DCAF12: variants seen among roughly 807,000 people sequenced by gnomAD.
The protein encoded by DCAF12 is DDB1- and CUL4-associated factor 12.
Under a neutral mutation model 52.8 loss-of-function variants are expected in DCAF12, and 28 were observed. That is an observed-to-expected ratio of 0.53 (90% confidence interval 0.39 to 0.73). The LOEUF (loss-of-function observed/expected upper bound fraction) is 0.73, where lower values mean the gene tolerates loss of function less well. DCAF12 is among the 30% of genes least tolerant of loss of function. The probability of loss-of-function intolerance (pLI) is 0.00; values close to 1 mark genes in which losing one functional copy is unlikely to be tolerated. For missense variants in DCAF12, 425 were observed against 552.2 expected (o/e 0.77, Z 2.31); for synonymous variants, 196 against 215.5 (o/e 0.91, Z 0.79).
chr9:34,103,095 C>CAAAA (rs34456166), intron 4 of DCAF12, among the ~76,000 whole-genome samples: 1 of 100,200 alleles, frequency 1.0e-5, no homozygotes, highest in African/African-American at 4.3e-5. Flanking sequence ...ACCTTAACTC[C>CAAAA]AAAAAAAAAA....
intron 2 of DCAF12, among the ~76,000 whole-genome samples, chr9:34,124,074 A>C (rs1035820390): frequency 6.6e-6 from 1 of 152,174 alleles, no homozygotes; most frequent in South Asian, 2.1e-4. Context: ...AAACTGTTTA[A>C]ATTTTTGCCT....
intron 2 of DCAF12, among the ~76,000 whole-genome samples, chr9:34,109,007 T>G (rs1426943207): frequency 6.6e-4 from 20 of 30,146 alleles, no homozygotes; most frequent in African/African-American, 1.8e-3. Context: ...TATATATGGT[T>G]TTTTTTTTTT....
At chr9:34,090,305 C>A (rs1182221165) in intron 7 of DCAF12, among the ~76,000 whole-genome samples, 1 of 151,988 alleles carries the variant, frequency 6.6e-6, no homozygotes, top group Non-Finnish European at 1.5e-5. Flanking sequence ...CTCAAGTGAT[C>A]CACCTTGGCC....
chr9:34,091,171 A>G (rs1828637933), intron 7 of DCAF12, among the ~76,000 whole-genome samples: 1 of 151,950 alleles, frequency 6.6e-6, no homozygotes. Context: ...TACTAAAAAC[A>G]CAAAAATTAG....
At chr9:34,098,297 G>C in intron 5 of DCAF12, 27 bp downstream of exon 5, 1 of 1,605,424 alleles carries the variant, frequency 6.2e-7, no homozygotes, top group Non-Finnish European at 8.5e-7. Context: ...AGGAATACAC[G>C]TCAGGGATCC....
intron 2 of DCAF12, among the ~76,000 whole-genome samples, chr9:34,124,813 C>G (rs775412873): frequency 6.6e-6 from 1 of 152,144 alleles, no homozygotes; most frequent in Non-Finnish European, 1.5e-5. Flanking sequence ...TGAAGAAATA[C>G]ACTCCTTTGA....
intron 1 of DCAF12, 95 bp from the exon 2 acceptor site, chr9:34,125,372 G>A: frequency 1.4e-6 from 2 of 1,391,428 alleles, no homozygotes; most frequent in Non-Finnish European, 2.0e-6. Flanking sequence ...AACTCATACT[G>A]CAGAATTTAC....
In DCAF12 at chr9:34,125,179, A is replaced by T. The variant is rs773908031; in HGVS notation, c.177T>A (p.Asn59Lys). The change falls in exon 2 of 9, where the codon AAT becomes AAA. Residue 59 changes from asparagine to lysine, a missense_variant. This residue lies in a region of DCAF12 where 89 missense variants were observed against 84.9 expected (regional missense o/e 1.05). Coordinates refer to ENST00000361264, the MANE Select transcript of DCAF12 (RefSeq NM_015397.4). Reference sequence around the variant, plus strand: ...GCAACACTCGAGAGTAGCTGGTTTCATTCTGTAGCCTGACTTCCCGGTTCT... The same window carrying T: ...GCAACACTCGAGAGTAGCTGGTTTCTTTCTGTAGCCTGACTTCCCGGTTCT... ...YLKNREVRLQ[N>K]ETSYSRVLHG... is the part of the protein sequence containing the mutation. 4.3e-6 allele frequency: 7 copies of T among 1,614,174 alleles called. No individual in the cohort carries two copies. Among genetic ancestry groups the T allele is most frequent in the Non-Finnish European group, 5.1e-6 (6 of 1,180,030 alleles).
At chr9:34,125,601 A>T (rs767564019) in intron 1 of DCAF12, 1 of 486,098 alleles carries the variant, frequency 2.1e-6, no homozygotes, top group African/African-American at 2.0e-5. Flanking sequence ...AGTGATTCCC[A>T]TACCGACATG....
rs1178246586 is a variant in DCAF12, at chr9:34,087,876, G to C, written c.*474C>G. On this transcript the variant is annotated 3_prime_UTR_variant, in exon 9 of 9. Transcript: ENST00000361264. ...ATTTCAGTGACACACAGTACCTACAGGCACACAAGATCACACACACACACG... is the reference window on the plus strand; with the variant it reads ...ATTTCAGTGACACACAGTACCTACACGCACACAAGATCACACACACACACG... The C allele has an allele frequency of 6.6e-6, 1 of 152,294 alleles. No homozygotes were observed. The highest frequency in any genetic ancestry group is 2.4e-5 in the African/African-American group (1 of 41,240). The allele number at this position is 152,294 out of a possible 1,614,324, so 9.4% of individuals were successfully genotyped here. A position where few individuals can be genotyped will look rare whatever the true frequency, so the allele number is the denominator to read the frequency against.
At chr9:34,115,091 G>T (rs1200618166) in intron 2 of DCAF12, among the ~76,000 whole-genome samples, 2 of 152,124 alleles carry the variant, frequency 1.3e-5, no homozygotes, top group Admixed American at 6.6e-5. Context: ...AGGTCACACA[G>T]ACAACAAGAC....
intron 2 of DCAF12, among the ~76,000 whole-genome samples, chr9:34,114,642 T>C (rs988984790): frequency 3.9e-5 from 6 of 152,056 alleles, no homozygotes; most frequent in Admixed American, 3.3e-4. Flanking sequence ...CTGGGATCCC[T>C]GCCAGAAACT....
intron 2 of DCAF12, among the ~76,000 whole-genome samples, chr9:34,119,339 TTC>T (rs967985643): frequency 1.6e-4 from 24 of 152,216 alleles, no homozygotes; most frequent in African/African-American, 5.1e-4. Flanking sequence ...ACTCAGAATT[TTC>T]TCTCTTTTAA....
At chr9:34,113,325 T>C (rs1273754927) in intron 2 of DCAF12, among the ~76,000 whole-genome samples, 1 of 152,178 alleles carries the variant, frequency 6.6e-6, no homozygotes, top group Non-Finnish European at 1.5e-5. Flanking sequence ...GTGCTGGGAT[T>C]ACAGGCATGG....
intron 2 of DCAF12, among the ~76,000 whole-genome samples, chr9:34,120,683 A>AAT (rs1375010450): frequency 1.3e-5 from 2 of 151,490 alleles, no homozygotes; most frequent in Admixed American, 6.6e-5. Flanking sequence ...AAAAAAAAAA[A>AAT]AAAAGAAAAC....
intron 2 of DCAF12, 38 bp downstream of exon 2, chr9:34,124,985 C>T (rs375672198): frequency 1.2e-5 from 20 of 1,605,408 alleles, no homozygotes; most frequent in Non-Finnish European, 1.5e-5. Context: ...AATATATCCA[C>T]GACCTAGGAG....
intron 4 of DCAF12, among the ~76,000 whole-genome samples, chr9:34,100,639 C>A (rs961206909): frequency 6.6e-6 from 1 of 151,452 alleles, no homozygotes; most frequent in Non-Finnish European, 1.5e-5. Context: ...TGACTACAGG[C>A]ACACCCTACC....
intron 4 of DCAF12, among the ~76,000 whole-genome samples, chr9:34,101,967 A>C (rs1828835838): frequency 6.6e-6 from 1 of 150,694 alleles, no homozygotes. Context: ...AGTGAGCTGA[A>C]ATTGTGCCAC....
In DCAF12 at chr9:34,124,903, A is replaced by G. The variant is rs1352848416; in HGVS notation, c.333+120T>C. The G allele has an allele frequency of 4.7e-6, 6 of 1,279,154 alleles. No individual in the cohort carries two copies. In the African/African-American group the frequency reaches 8.9e-5, roughly 19 times the overall value. 79.2% of individuals were successfully genotyped at this position (1,279,154 alleles called of 1,614,324 possible). Reference sequence around the variant, plus strand: ...AAGTCACCAACGGGAAAGAATGGAAAGGAGAGTAAGGCAAGTCCCTCCTAA... The same window carrying G: ...AAGTCACCAACGGGAAAGAATGGAAGGGAGAGTAAGGCAAGTCCCTCCTAA... On this transcript the variant is annotated intron_variant, in intron 2 of 8. Coordinates refer to ENST00000361264, the MANE Select transcript of DCAF12 (RefSeq NM_015397.4).
Sources: gnomAD v4.1 joint callset for allele counts (sites outside exome capture counted in the v4.1 genomes callset) on GRCh38, gnomAD v4.1.1 for gene constraint, gnomAD v4.1.1 regional missense constraint, MANE v1.5 for transcripts, NCBI Gene and HGNC (gene_info 2026-07-23, HGNC 2026-07-21) for gene names.